Variants in TNFAIP8 observed in about 807,000 individuals in gnomAD.
TNFAIP8 encodes tumor necrosis factor alpha-induced protein 8.
A neutral mutation model predicts 13.3 loss-of-function variants in TNFAIP8; 7 were observed. That is an observed-to-expected ratio of 0.52 (90% confidence interval 0.30 to 0.99). TNFAIP8 has a LOEUF of 0.99. TNFAIP8 is among the 50% of genes least tolerant of loss of function. The pLI, the probability that TNFAIP8 is intolerant of heterozygous loss-of-function variation, is 0.07. For missense variants in TNFAIP8, 258 were observed against 236.9 expected (o/e 1.09, Z -0.58); for synonymous variants, 94 against 87.6 (o/e 1.07, Z -0.41).
At chr5:119,278,178 T>G (rs1748514733) in intron 1 of TNFAIP8, among the ~76,000 whole-genome samples, 1 of 152,096 alleles carries the variant, frequency 6.6e-6, no homozygotes, top group African/African-American at 2.4e-5. Flanking sequence ...TGGGATTGGG[T>G]AGATTCAGGA....
intron 1 of TNFAIP8, among the ~76,000 whole-genome samples, chr5:119,288,470 A>T (rs770540055): frequency 2.6e-5 from 4 of 152,238 alleles, no homozygotes; most frequent in Non-Finnish European, 5.9e-5. Context: ...AGCACAATCA[A>T]TGGGATTAAG....
At chr5:119,383,716 C>G (rs1167044712) in intron 1 of TNFAIP8, among the ~76,000 whole-genome samples, 2 of 152,144 alleles carry the variant, frequency 1.3e-5, no homozygotes, top group Non-Finnish European at 2.9e-5. Flanking sequence ...GAAGCAAGGG[C>G]AAGGGTTGAG....
intron 1 of TNFAIP8, among the ~76,000 whole-genome samples, chr5:119,348,730 A>G (rs970941777): frequency 1.3e-5 from 2 of 152,046 alleles, no homozygotes; most frequent in Non-Finnish European, 2.9e-5. Context: ...AAAATACAAA[A>G]TTAGCCAGGC....
At chr5:119,271,212 T>G (rs891829805) in intron 1 of TNFAIP8, among the ~76,000 whole-genome samples, 1 of 152,094 alleles carries the variant, frequency 6.6e-6, no homozygotes, top group African/African-American at 2.4e-5. Flanking sequence ...AAAGGGTGTG[T>G]GGAGAGGAAT....
At chr5:119,272,876 C>T (rs997224496) in intron 1 of TNFAIP8, among the ~76,000 whole-genome samples, 31 of 152,064 alleles carry the variant, frequency 2.0e-4, no homozygotes, top group Admixed American at 5.9e-4. Flanking sequence ...GTCAAGGTGA[C>T]GGGGGGCTAG....
intron 1 of TNFAIP8, among the ~76,000 whole-genome samples, chr5:119,279,567 T>A (rs888477422): frequency 6.6e-6 from 1 of 152,184 alleles, no homozygotes; most frequent in Admixed American, 6.5e-5. Context: ...TTATTTTTTT[T>A]ATTTATTATA....
intron 1 of TNFAIP8, among the ~76,000 whole-genome samples, chr5:119,390,503 TA>T (rs1752850015): frequency 6.6e-6 from 1 of 152,226 alleles, no homozygotes; most frequent in South Asian, 2.1e-4. Context: ...GATAAAAACA[TA>T]AAACATTAAA....
intron 1 of TNFAIP8, among the ~76,000 whole-genome samples, chr5:119,293,721 CAAA>C (rs999116849): frequency 6.6e-6 from 1 of 152,012 alleles, no homozygotes; most frequent in African/African-American, 2.4e-5. Context: ...AAAATGGTAA[CAAA>C]AGAAGAGTCA....
At chr5:119,324,353 G>A (rs1055993893) in intron 1 of TNFAIP8, among the ~76,000 whole-genome samples, 3 of 149,798 alleles carry the variant, frequency 2.0e-5, no homozygotes, top group South Asian at 2.1e-4. Flanking sequence ...CTTCCCCCTC[G>A]GGGCTGGGAG....
intron 1 of TNFAIP8, among the ~76,000 whole-genome samples, chr5:119,283,613 T>C (rs769062814): frequency 2.0e-5 from 3 of 152,202 alleles, no homozygotes; most frequent in Non-Finnish European, 4.4e-5. Flanking sequence ...GTCGGTGATA[T>C]GGAAAAGCTG....
At chr5:119,321,917 C>G (rs956755550) in intron 1 of TNFAIP8, among the ~76,000 whole-genome samples, 16 of 152,156 alleles carry the variant, frequency 1.1e-4, no homozygotes, top group African/African-American at 3.4e-4. Flanking sequence ...ATTCTGCTAC[C>G]TAATTTCCTC....
At chr5:119,268,799 G>T (rs917711476) in exon 1 of TNFAIP8, 6 of 694,334 alleles carry the variant, frequency 8.6e-6, no homozygotes, top group Non-Finnish European at 1.6e-5. Flanking sequence ...CCCGCGCTTG[G>T]CTAAGGTCCG....
At chr5:119,352,327 G>A (rs1379418794), upstream of TNFAIP8, among the ~76,000 whole-genome samples, 1 of 152,106 alleles carries the variant, frequency 6.6e-6, no homozygotes, top group Non-Finnish European at 1.5e-5. Flanking sequence ...GGAAGCCTTC[G>A]AAGGCTTTCA....
chr5:119,324,805 G>A (rs11956285), intron 1 of TNFAIP8, among the ~76,000 whole-genome samples: 1 of 151,476 alleles, frequency 6.6e-6, no homozygotes, highest in African/African-American at 2.4e-5. Flanking sequence ...CATTCCAGGC[G>A]CTTTTCTGTG....
Position 119,344,670 on chromosome 5 carries a change from A to G in TNFAIP8, c.2-48146A>G, listed in dbSNP as rs372852431. Among the ~76,000 whole-genome samples, 4 of 152,210 alleles carry G rather than the reference A, an allele frequency of 2.6e-5. No homozygotes were observed. In the South Asian group the frequency reaches 8.3e-4, roughly 32 times the overall value. ...AAACTAGCTTAAAATCTGTTAGGCA[A>G]CGCTAACTAGAGATGATGGCTTTAC... On this transcript the variant is annotated intron_variant, in intron 1 of 1. Coordinates refer to the TNFAIP8 transcript ENST00000274456.
intron 1 of TNFAIP8, among the ~76,000 whole-genome samples, chr5:119,388,935 C>T (rs555146270): frequency 1.3e-3 from 191 of 152,096 alleles, no homozygotes; most frequent in African/African-American, 4.4e-3. Flanking sequence ...TGAGCCACTG[C>T]GCCCGGCCCC....
intron 1 of TNFAIP8, among the ~76,000 whole-genome samples, chr5:119,382,403 C>T (rs577196297): frequency 6.6e-6 from 1 of 152,180 alleles, no homozygotes; most frequent in Non-Finnish European, 1.5e-5. Context: ...ACCACAGTAT[C>T]TTATACATTA....
At chr5:119,301,441 C>G (rs1389920906) in intron 1 of TNFAIP8, among the ~76,000 whole-genome samples, 1 of 152,222 alleles carries the variant, frequency 6.6e-6, no homozygotes, top group East Asian at 1.9e-4. Context: ...GAAGCCTTCT[C>G]CAGTCCTCTC....
intron 1 of TNFAIP8, among the ~76,000 whole-genome samples, chr5:119,327,864 T>C (rs189443327): frequency 2.0e-5 from 3 of 152,318 alleles, no homozygotes; most frequent in Admixed American, 1.3e-4. Flanking sequence ...TATTTCAAGG[T>C]CATATAGTAA....
Sources: gnomAD v4.1 joint callset for allele counts (sites outside exome capture counted in the v4.1 genomes callset) on GRCh38, gnomAD v4.1.1 for gene constraint, MANE v1.5 for transcripts, NCBI Gene and HGNC (gene_info 2026-07-23, HGNC 2026-07-21) for gene names.